The following CRISPLD1 variants were observed in gnomAD, a reference collection of about 807,000 sequenced individuals.
CRISPLD1 encodes cysteine-rich secretory protein LCCL domain-containing 1.
CRISPLD1 carries 60 observed loss-of-function variants against 77.5 expected under a neutral mutation model. The ratio of observed to expected loss-of-function variants is 0.77; its 90% CI spans 0.63 to 0.96. The LOEUF is 0.96. Ranked by LOEUF, CRISPLD1 falls within the 40% of genes least tolerant of loss-of-function variation. The probability of loss-of-function intolerance (pLI) is 0.00; values close to 1 mark genes in which losing one functional copy is unlikely to be tolerated. For missense variants in CRISPLD1, 623 were observed against 615.8 expected (o/e 1.01, Z -0.12); for synonymous variants, 195 against 200.1 (o/e 0.97, Z 0.22).
Position 74,986,115 on chromosome 8 carries a change from A to G in CRISPLD1, c.128A>G (p.Asp43Gly). Residue 43 changes from aspartate to glycine, a missense_variant, in exon 2 of 15, where the codon GAT (aspartate) becomes GGT (glycine). By Grantham distance (94) the Asp-to-Gly change is moderately conservative. Coordinates refer to ENST00000262207, the MANE Select transcript of CRISPLD1 (RefSeq NM_031461.6). ...EKLLEKYMDE[D>G]GEWWIAKQRG... ...CTTTTGGAAAAATACATGGATGAGG[A>G]TGGTGAGTGGTGGATAGCCAAACAA... 1.2e-6 allele frequency: 2 copies of G among 1,614,132 alleles called. No homozygotes were observed. Among genetic ancestry groups the G allele is most frequent in the Non-Finnish European group, 1.7e-6 (2 of 1,180,016 alleles).
At position 75,014,062 on chromosome 8, in the gene CRISPLD1, T is replaced by C. The variant is rs139617429; in HGVS notation, c.586T>C (p.Trp196Arg). Residue 196 changes from tryptophan (W) to arginine (R), a missense_variant, in exon 5 of 15, where the codon TGG becomes CGG. Transcript: ENST00000262207. ...TAACATGAACATCTGGGGGCAGATA[T>C]GGCCCAAAGCTGTCTACCTGGTGTG... ...CHNMNIWGQI[W>R]PKAVYLVCNY... is the part of the protein sequence containing the mutation. 7.4e-6 allele frequency: 12 copies of C among 1,613,106 alleles called. No homozygotes were observed. The highest frequency in any genetic ancestry group is 5.3e-5 in the African/African-American group (4 of 74,866).
chr8:75,008,497 A>G (rs939558701), intron 2 of CRISPLD1, among the ~76,000 whole-genome samples: 4 of 152,174 alleles, frequency 2.6e-5, no homozygotes, highest in Non-Finnish European at 2.9e-5. Flanking sequence ...TTAAGTCATG[A>G]TAGAATTTCT....
intron 14 of CRISPLD1, 93 bp downstream of exon 14, chr8:75,029,610 T>C (rs1462087744): frequency 7.3e-7 from 1 of 1,361,226 alleles, no homozygotes; most frequent in African/African-American, 1.5e-5. Context: ...ATATTTTTAA[T>C]TTTTTTCAAA....
intron 2 of CRISPLD1, among the ~76,000 whole-genome samples, chr8:75,009,005 A>G (rs964659532): frequency 2.0e-5 from 3 of 152,180 alleles, no homozygotes; most frequent in African/African-American, 7.2e-5. Flanking sequence ...TCTTTTCTAA[A>G]AAGGATCCAT....
Position 75,033,975 on chromosome 8 carries a change from C to A in CRISPLD1, c.*1733C>A, listed in dbSNP as rs566766750. 1 of 152,092 alleles carries A rather than the reference C, an allele frequency of 6.6e-6. No individual in the cohort carries two copies. The highest frequency in any genetic ancestry group is 1.9e-4 in the East Asian group (1 of 5,166). 9.4% of individuals were successfully genotyped at this position (152,092 alleles called of 1,614,324 possible). ...ACTGCTCCTCCCACAACAGGGAAGCCCGATCAGTTCTGTCAGTATAAGGTT... is the reference window on the plus strand; with the variant it reads ...ACTGCTCCTCCCACAACAGGGAAGCACGATCAGTTCTGTCAGTATAAGGTT... On this transcript the variant is annotated 3_prime_UTR_variant, in exon 15 of 15. Transcript: ENST00000262207.
At chr8:75,013,404 G>A (rs994129315) in intron 4 of CRISPLD1, among the ~76,000 whole-genome samples, 1 of 151,612 alleles carries the variant, frequency 6.6e-6, no homozygotes, top group African/African-American at 2.4e-5. Context: ...TTTATATTTC[G>A]TGTTCACAAT....
chr8:75,006,202 C>T (rs1812828167), intron 2 of CRISPLD1, among the ~76,000 whole-genome samples: 1 of 152,182 alleles, frequency 6.6e-6, no homozygotes, highest in Middle Eastern at 3.4e-3. Flanking sequence ...TGAGCTAATG[C>T]AATTTTAAAA....
At position 75,025,560 on chromosome 8, in the gene CRISPLD1, G is replaced by A. The variant is rs142913962; in HGVS notation, c.1259G>A (p.Arg420His). Residue 420 changes from arginine (R) to histidine (H), a missense_variant, in exon 13 of 15, where the codon CGT becomes CAT. Arg to His is a conservative substitution (Grantham distance 29). Transcript: ENST00000262207. ...ATTTTTTTCAGAGTATACTGTCCTC[G>A]TAACTGTATGCAAGCAAATCCACAT... is the stretch of plus-strand genomic sequence containing the variant. ...ASHCPRVYCP[R>H]NCMQANPHYA... 67 of 1,558,032 alleles carry A rather than the reference G, an allele frequency of 4.3e-5. No homozygotes were observed. The highest frequency in any genetic ancestry group is 1.1e-4 in the East Asian group (5 of 44,138).
intron 2 of CRISPLD1, among the ~76,000 whole-genome samples, chr8:75,007,929 C>G (rs1812863220): frequency 6.6e-6 from 1 of 151,976 alleles, no homozygotes; most frequent in Admixed American, 6.6e-5. Context: ...TCCTACCACC[C>G]TCGCCTCCCG....
At chr8:75,001,431 G>A (rs1388366596) in intron 2 of CRISPLD1, among the ~76,000 whole-genome samples, 1 of 152,118 alleles carries the variant, frequency 6.6e-6, no homozygotes, top group Non-Finnish European at 1.5e-5. Flanking sequence ...TGATCAGAAT[G>A]CCAAGACTCT....
Position 75,014,104 on chromosome 8 carries a change from T to G in CRISPLD1, c.626+2T>G, listed in dbSNP as rs766805785. 6.4e-7 allele frequency: 1 copy of G among 1,563,912 alleles called. No homozygotes were observed. Among genetic ancestry groups the G allele is most frequent in the Non-Finnish European group, 8.8e-7 (1 of 1,134,542 alleles). On this transcript the variant is annotated splice_donor_variant, in intron 5 of 14. Coordinates refer to ENST00000262207, the MANE Select transcript of CRISPLD1 (RefSeq NM_031461.6). LOFTEE classifies it high-confidence loss of function. ...CCTGGTGTGCAATTACTCCCCAAAGTGAGTAGACAAAACACTACGTTCAGA... is the reference window on the plus strand; with the variant it reads ...CCTGGTGTGCAATTACTCCCCAAAGGGAGTAGACAAAACACTACGTTCAGA...
rs992596722 is a variant in CRISPLD1, at chr8:75,034,272, A to G, written c.*2030A>G. On this transcript the variant is annotated 3_prime_UTR_variant, in exon 15 of 15. Transcript: ENST00000262207. ...GTCCTTGGGTAAGTTATTTAACTTC[A>G]ATTTACCTTACCTGTAAAATGGAAC... The G allele has an allele frequency of 6.6e-6, 1 of 152,140 alleles. No homozygotes were observed. Among genetic ancestry groups the G allele is most frequent in the African/African-American group, 2.4e-5 (1 of 41,456 alleles). The allele number at this position is 152,140 out of a possible 1,614,324, so 9.4% of individuals were successfully genotyped here. A position where few individuals can be genotyped will look rare whatever the true frequency, so the allele number is the denominator to read the frequency against.
intron 2 of CRISPLD1, among the ~76,000 whole-genome samples, chr8:74,987,419 T>C (rs1274646816): frequency 6.6e-6 from 1 of 152,054 alleles, no homozygotes; most frequent in African/African-American, 2.4e-5. Context: ...TCTAGTATTA[T>C]ATACTCACCT....
At chr8:75,000,383 CT>C (rs760464728) in intron 2 of CRISPLD1, 251 of 985,338 alleles carry the variant, frequency 2.5e-4, no homozygotes, top group Middle Eastern at 2.1e-3. Flanking sequence ...GCCAAGAGGT[CT>C]GCTAAATCAA....
At chr8:75,016,483 A>C in intron 6 of CRISPLD1, 82 bp from the exon 7 acceptor site, 2 of 1,258,762 alleles carry the variant, frequency 1.6e-6, no homozygotes, top group Non-Finnish European at 2.2e-6. Flanking sequence ...GTTAAATAGG[A>C]GTATTAAAGT....
At chr8:74,986,328 C>A in intron 2 of CRISPLD1, 83 bp downstream of exon 2, 1 of 1,332,546 alleles carries the variant, frequency 7.5e-7, no homozygotes, top group South Asian at 1.4e-5. Context: ...GTTCTTTAAT[C>A]ATTTATTTTA....
intron 12 of CRISPLD1, among the ~76,000 whole-genome samples, chr8:75,024,112 G>T (rs528169001): frequency 6.6e-6 from 1 of 152,292 alleles, no homozygotes; most frequent in African/African-American, 2.4e-5. Flanking sequence ...AGCCTATTGT[G>T]TGTGTTTGAG....
At chr8:74,992,796 A>G (rs1812591659) in intron 2 of CRISPLD1, among the ~76,000 whole-genome samples, 1 of 152,150 alleles carries the variant, frequency 6.6e-6, no homozygotes, top group African/African-American at 2.4e-5. Flanking sequence ...CAGGGGCCAA[A>G]TAACTGGTGG....
Position 75,014,076 on chromosome 8 carries a change from C to T in CRISPLD1, c.600C>T (p.Val200=), listed in dbSNP as rs149728479. 245 of 1,612,124 alleles carry T rather than the reference C, an allele frequency of 1.5e-4. No individual in the cohort carries two copies. Among genetic ancestry groups the T allele is most frequent in the Non-Finnish European group, 2.0e-4 (233 of 1,178,582 alleles). Residue 200 remains valine (V), a synonymous_variant, in exon 5 of 15, where the codon GTC becomes GTT. Coordinates refer to ENST00000262207, the MANE Select transcript of CRISPLD1 (RefSeq NM_031461.6). ...GGGGGCAGATATGGCCCAAAGCTGT[C>T]TACCTGGTGTGCAATTACTCCCCAA... ...NIWGQIWPKA[V]YLVCNYSPKG... is the part of the protein sequence containing the mutation.
Sources: gnomAD v4.1 joint callset for allele counts (sites outside exome capture counted in the v4.1 genomes callset) on GRCh38, gnomAD v4.1.1 for gene constraint, MANE v1.5 for transcripts, NCBI Gene and HGNC (gene_info 2026-07-23, HGNC 2026-07-21) for gene names.